Variants in SGCE observed in about 807,000 individuals in gnomAD.
The protein encoded by SGCE is epsilon-sarcoglycan.
In SGCE, 26 loss-of-function variants were observed where a neutral mutation model predicts 57.8. The ratio of observed to expected loss-of-function variants is 0.45; its 90% confidence interval spans 0.33 to 0.62. The LOEUF (loss-of-function observed/expected upper bound fraction) is 0.62, where lower values mean the gene tolerates loss of function less well. SGCE is among the 20% of genes least tolerant of loss of function. The pLI, the probability that SGCE is intolerant of heterozygous loss-of-function variation, is 0.02. For synonymous variants in SGCE, 183 were observed against 189.5 expected (o/e 0.97, Z 0.28); for missense variants, 468 against 548.6 (o/e 0.85, Z 1.47).
intron 1 of SGCE, among the ~76,000 whole-genome samples, chr7:94,641,952 A>G (rs1013640215): frequency 1.1e-4 from 17 of 152,226 alleles, no homozygotes; most frequent in African/African-American, 3.9e-4. Context: ...ACCGGCTAAA[A>G]CCGAGGCTAC....
In SGCE at chr7:94,623,916, A is replaced by G. The variant is rs566399363; in HGVS notation, c.391-519T>C. 4.1e-5 allele frequency: 15 copies of G among 364,898 alleles called. No homozygotes were observed. The South Asian group carries it at 7.4e-4, about 18-fold the overall frequency. 22.6% of individuals were successfully genotyped at this position (364,898 alleles called of 1,614,324 possible). On this transcript the variant is annotated intron_variant, in intron 3 of 10. Coordinates refer to ENST00000648936, the MANE Select transcript of SGCE (RefSeq NM_003919.3). ...ATCATATCTCACTTACGATGGGAGT[A>G]AAGTAGTAAGGATCATAGTCCATGA...
intron 1 of SGCE, among the ~76,000 whole-genome samples, chr7:94,639,825 A>G (rs1468048765): frequency 6.6e-6 from 1 of 152,188 alleles, no homozygotes; most frequent in Non-Finnish European, 1.5e-5. Flanking sequence ...TCTGGCTAGG[A>G]ATGTTGTTAA....
chr7:94,587,991 CAA>C (rs933888481), intron 10 of SGCE: 4 of 1,409,156 alleles, frequency 2.8e-6, no homozygotes, highest in Admixed American at 6.8e-5. Flanking sequence ...CTTGCTTTTC[CAA>C]AAGAGCTACA....
intron 6 of SGCE, among the ~76,000 whole-genome samples, chr7:94,602,980 T>C (rs1799510618): frequency 6.6e-6 from 1 of 152,202 alleles, no homozygotes. Flanking sequence ...TTTCTGCACA[T>C]ATCATACTAA....
At chr7:94,644,746 C>CGTAA in intron 1 of SGCE, 1 of 539,946 alleles carries the variant, frequency 1.9e-6, no homozygotes, top group East Asian at 8.3e-5. Context: ...CCTTCTCTTA[C>CGTAA]CATCCCCATC....
chr7:94,587,291 C>G lies in SGCE; in HGVS notation c.1297+1398G>C, dbSNP rs564045029. 2.1e-5 allele frequency: 21 copies of G among 990,592 alleles called. 1 individual carries two copies. The South Asian group carries it at 8.9e-4, about 42-fold the overall frequency. 61.4% of individuals were successfully genotyped at this position (990,592 alleles called of 1,614,324 possible). A position where few individuals can be genotyped will look rare whatever the true frequency, so the allele number is the denominator to read the frequency against. On this transcript the variant is annotated intron_variant, in intron 10 of 10. Transcript: ENST00000648936. ...ACAAATTGCCCTAATATCATCTACT[C>G]AAGTTTCCTAATTCCCCTAGTGGGT...
chr7:94,637,397 T>C (rs915681679), intron 1 of SGCE, among the ~76,000 whole-genome samples: 1 of 152,172 alleles, frequency 6.6e-6, no homozygotes, highest in Non-Finnish European at 1.5e-5. Flanking sequence ...ATCTAAAGGA[T>C]GAGATCAAGC....
chr7:94,628,813 G>A (rs1185165403), intron 2 of SGCE: 1 of 167,396 alleles, frequency 6.0e-6, no homozygotes, highest in Non-Finnish European at 1.3e-5. Context: ...AACACTGGAG[G>A]ATAGGATGAA....
chr7:94,630,673 A>C (rs1331554082), intron 1 of SGCE, among the ~76,000 whole-genome samples: 1 of 151,870 alleles, frequency 6.6e-6, no homozygotes, highest in South Asian at 2.1e-4. Context: ...TTCTCCACTA[A>C]CACATTATTG....
chr7:94,600,656 G>T lies in SGCE; in HGVS notation c.1027C>A (p.Arg343=), dbSNP rs757796461. 6.2e-7 allele frequency: 1 copy of T among 1,612,192 alleles called. No individual in the cohort carries two copies. Among genetic ancestry groups the T allele is most frequent in the Non-Finnish European group, 8.5e-7 (1 of 1,178,562 alleles). ...LILAYIMCCR[R]EGVEKRNMQT... is the part of the protein sequence containing the mutation. ...TTTTAAAGTACTCACACGCCTTCCCGTCGGCAGCACATGATATAAGCAAGT... is the reference window on the plus strand; with the variant it reads ...TTTTAAAGTACTCACACGCCTTCCCTTCGGCAGCACATGATATAAGCAAGT... Residue 343 remains arginine, a synonymous_variant, in exon 7 of 11, where the codon CGG becomes AGG. Transcript: ENST00000648936.
intron 4 of SGCE, chr7:94,621,956 A>T (rs979934127): frequency 1.3e-5 from 2 of 152,172 alleles, no homozygotes; most frequent in Non-Finnish European, 2.9e-5. Context: ...TAAATTTTAA[A>T]CTTGCACATT....
intron 5 of SGCE, among the ~76,000 whole-genome samples, chr7:94,605,893 ATC>A (rs1229667250): frequency 6.6e-6 from 1 of 151,972 alleles, no homozygotes; most frequent in East Asian, 1.9e-4. Flanking sequence ...TGGAGTGCAG[ATC>A]TCAGCTCACT....
At chr7:94,614,744 A>G (rs1055803496) in intron 5 of SGCE, among the ~76,000 whole-genome samples, 9 of 152,172 alleles carry the variant, frequency 5.9e-5, no homozygotes, top group African/African-American at 1.9e-4. Flanking sequence ...ACTGATTTTA[A>G]TTATCTGATT....
At chr7:94,590,893 G>A (rs918461369) in intron 9 of SGCE, 3 of 152,092 alleles carry the variant, frequency 2.0e-5, no homozygotes, top group Non-Finnish European at 4.4e-5. Context: ...AAAACAGTGC[G>A]TGCTAGTTAA....
In SGCE at chr7:94,628,223, C is replaced by G. The variant is rs140913016; in HGVS notation, c.369G>C (p.Val123=). Residue 123 remains valine, a synonymous_variant, in exon 3 of 11, where the codon GTG becomes GTC. Coordinates refer to ENST00000648936, the MANE Select transcript of SGCE (RefSeq NM_003919.3). ...TTACCTCAATGATTGTTGGCTTCCC[C>G]ACATTTTCAGCTGTTGGGGACCCAT... is the stretch of plus-strand genomic sequence containing the variant. ...VLYGSPTAEN[V]GKPTIIEITA... 6.0e-4 allele frequency: 974 copies of G among 1,611,698 alleles called. 5 individuals are homozygous for G. The African/African-American group carries it at 0.012, about 19-fold the overall frequency.
intron 5 of SGCE, among the ~76,000 whole-genome samples, chr7:94,614,891 C>T (rs1200951362): frequency 6.6e-6 from 1 of 152,068 alleles, no homozygotes; most frequent in Non-Finnish European, 1.5e-5. Flanking sequence ...TGATAGAACT[C>T]AGAAGAGTAG....
At chr7:94,609,604 T>C (rs1036544293) in intron 5 of SGCE, among the ~76,000 whole-genome samples, 4 of 152,144 alleles carry the variant, frequency 2.6e-5, no homozygotes, top group African/African-American at 9.7e-5. Context: ...GTGGTAAATA[T>C]GCACATGAAA....
At chr7:94,604,851 ATATATAT>A (rs1799848376) in intron 5 of SGCE, among the ~76,000 whole-genome samples, 4 of 102,488 alleles carry the variant, frequency 3.9e-5, no homozygotes, top group Non-Finnish European at 7.8e-5. Context: ...ATATATATAT[ATATATAT>A]AATAGTTGTT....
intron 1 of SGCE, chr7:94,644,603 C>T: frequency 1.6e-6 from 2 of 1,263,562 alleles, no homozygotes; most frequent in South Asian, 1.2e-5. Flanking sequence ...TTATCATACT[C>T]ACCTTAAAAG....
Sources: allele counts gnomAD v4.1 joint callset (sites outside exome capture counted in the v4.1 genomes callset), GRCh38; gene constraint gnomAD v4.1.1; transcripts MANE v1.5; gene names NCBI Gene and HGNC (gene_info 2026-07-23, HGNC 2026-07-21).